HYCC1: variants seen among roughly 807,000 people sequenced by gnomAD.
HYCC1 encodes the protein hyccin PI4KA lipid kinase complex subunit 1, also known as hyccin.
chr7:22,957,831 CA>C, the HYCC1 span, among the ~76,000 whole-genome samples: 1 of 151,324 alleles, frequency 6.6e-6, no homozygotes, highest in Non-Finnish European at 1.5e-5. Context: ...TCCTATGTTT[CA>C]GAAACATTAT....
At chr7:23,002,162 A>ACAAT in the HYCC1 span, among the ~76,000 whole-genome samples, 179 of 35,484 alleles carry the variant, frequency 5.0e-3, 1 homozygote, top group Middle Eastern at 0.024. Flanking sequence ...ATATATATAT[A>ACAAT]TATATATATA....
the HYCC1 span, among the ~76,000 whole-genome samples, chr7:23,001,312 T>C: frequency 1.3e-5 from 2 of 152,158 alleles, no homozygotes. Context: ...TTGCCCAAGA[T>C]CACACACTAC....
the HYCC1 span, among the ~76,000 whole-genome samples, chr7:23,008,778 C>T: frequency 3.3e-5 from 5 of 151,898 alleles, no homozygotes; most frequent in Non-Finnish European, 5.9e-5. Context: ...CCTCTGAAGA[C>T]GATAACTGTT....
chr7:22,915,200 G>C, the HYCC1 span, among the ~76,000 whole-genome samples: 1 of 152,090 alleles, frequency 6.6e-6, no homozygotes, highest in African/African-American at 2.4e-5. Flanking sequence ...TCAGATTCCG[G>C]CCCTCAAACC....
At chr7:22,948,902 T>C in the HYCC1 span, among the ~76,000 whole-genome samples, 52 of 152,140 alleles carry the variant, frequency 3.4e-4, no homozygotes, top group Admixed American at 3.2e-3. Flanking sequence ...ACAACTGTCT[T>C]CCAAGTTAGG....
the HYCC1 span, chr7:22,940,943 C>G: frequency 1.1e-4 from 17 of 151,626 alleles, no homozygotes; most frequent in Non-Finnish European, 2.2e-4. Context: ...AATAAAGATT[C>G]TAAAGTTAGA....
the HYCC1 span, among the ~76,000 whole-genome samples, chr7:23,002,509 A>T: frequency 3.3e-5 from 5 of 152,080 alleles, no homozygotes; most frequent in African/African-American, 1.2e-4. Flanking sequence ...CAAACTAAAC[A>T]AATTCAATTA....
chr7:22,912,260 C>T, the HYCC1 span, among the ~76,000 whole-genome samples: 38,362 of 152,032 alleles, frequency 0.25, 5,000 homozygotes, highest in East Asian at 0.48. Context: ...GAGTCATGAC[C>T]CTCTCCCAAC....
the HYCC1 span, among the ~76,000 whole-genome samples, chr7:22,930,104 A>G: frequency 6.7e-6 from 1 of 148,642 alleles, no homozygotes; most frequent in African/African-American, 2.5e-5. Flanking sequence ...AAAAAACCAA[A>G]CACTGCATGT....
chr7:22,961,855 G>A, the HYCC1 span, among the ~76,000 whole-genome samples: 4 of 151,772 alleles, frequency 2.6e-5, no homozygotes, highest in African/African-American at 9.7e-5. Flanking sequence ...GTGTGTCTGT[G>A]CATGTGTGTG....
the HYCC1 span, among the ~76,000 whole-genome samples, chr7:22,998,459 T>C: frequency 6.6e-6 from 1 of 152,140 alleles, no homozygotes; most frequent in African/African-American, 2.4e-5. Context: ...GACTCAGTGG[T>C]TCAACATTTT....
the HYCC1 span, chr7:22,940,259 T>TTTG: frequency 2.8e-4 from 39 of 138,628 alleles, no homozygotes; most frequent in African/African-American, 1.1e-3. Flanking sequence ...TTTTTTTTTT[T>TTTG]TTTTTTTTTT....
At chr7:22,994,817 T>C in the HYCC1 span, among the ~76,000 whole-genome samples, 1 of 152,092 alleles carries the variant, frequency 6.6e-6, no homozygotes, top group Admixed American at 6.6e-5. Flanking sequence ...ATTCCCTTCA[T>C]CTCTGTTTAT....
the HYCC1 span, among the ~76,000 whole-genome samples, chr7:22,911,427 T>A: frequency 1.3e-5 from 2 of 152,164 alleles, no homozygotes; most frequent in Non-Finnish European, 2.9e-5. Flanking sequence ...CCTAAAATAG[T>A]CCCTAGAGAC....
chr7:22,970,855 C>T, the HYCC1 span, among the ~76,000 whole-genome samples: 17 of 152,312 alleles, frequency 1.1e-4, no homozygotes, highest in South Asian at 3.5e-3. Context: ...TTCATCACGG[C>T]TATGTCCTGA....
the HYCC1 span, among the ~76,000 whole-genome samples, chr7:23,002,067 T>C: frequency 5.4e-5 from 8 of 148,530 alleles, no homozygotes; most frequent in Admixed American, 4.7e-4. Context: ...CTATAAAAAT[T>C]GACTGAACAC....
At chr7:22,922,329 G>A in the HYCC1 span, among the ~76,000 whole-genome samples, 1 of 152,084 alleles carries the variant, frequency 6.6e-6, no homozygotes, top group South Asian at 2.1e-4. Context: ...TTTACGATAG[G>A]GTTATGTCCT....
the HYCC1 span, chr7:22,976,740 T>C: frequency 1.9e-5 from 30 of 1,613,640 alleles, no homozygotes; most frequent in African/African-American, 1.7e-4. Context: ...GTCCACTGTA[T>C]ACCACTTTTG....
chr7:22,994,962 A>G, the HYCC1 span, among the ~76,000 whole-genome samples: 1 of 152,156 alleles, frequency 6.6e-6, no homozygotes, highest in Admixed American at 6.6e-5. Flanking sequence ...ATATACTTCC[A>G]TGGGTCCTCT....
Sources: allele counts gnomAD v4.1 joint callset (sites outside exome capture counted in the v4.1 genomes callset), GRCh38; gene constraint gnomAD v4.1.1; transcripts MANE v1.5; gene names NCBI Gene and HGNC (gene_info 2026-07-23, HGNC 2026-07-21).